The following TTC23L variants were observed in gnomAD, a reference collection of about 807,000 sequenced individuals.
TTC23L encodes tetratricopeptide repeat protein 23-like.
A neutral mutation model predicts 48.1 loss-of-function variants in TTC23L; 42 were observed. The ratio of observed to expected loss-of-function variants is 0.87; its 90% CI spans 0.68 to 1.13. TTC23L has a LOEUF of 1.13. Ranked by LOEUF, TTC23L falls within the 50% of genes most tolerant of loss-of-function variation. The probability of loss-of-function intolerance (pLI) is 0.00; values close to 1 mark genes in which losing one functional copy is unlikely to be tolerated. For synonymous variants in TTC23L, 159 were observed against 157.2 expected (o/e 1.01, Z -0.09); for missense variants, 391 against 421.0 (o/e 0.93, Z 0.62).
rs1181146229 is a variant in TTC23L at position 34,847,486 on chromosome 5, T to G, written c.255+1813T>G. Among the ~76,000 whole-genome samples the G allele has an allele frequency of 3.9e-5, 6 of 152,026 alleles. No homozygotes were observed. In the East Asian group the frequency reaches 9.6e-4, roughly 24 times the overall value. ...GTTATAGCTCAATAACGCTGTTTTTTTTTTTTTTTTTTAAATCAAACCCAA... is the reference window on the plus strand; with the variant it reads ...GTTATAGCTCAATAACGCTGTTTTTGTTTTTTTTTTTTAAATCAAACCCAA... On this transcript the variant is annotated intron_variant, in intron 3 of 10. Coordinates refer to ENST00000505624, the Ensembl canonical transcript of TTC23L.
At chr5:34,925,084 T>C in the TTC23L span, 5 of 1,476,124 alleles carry the variant, frequency 3.4e-6, no homozygotes, top group Admixed American at 7.3e-5. Context: ...ATTTGGTTTT[T>C]GCTGCATAGA....
intron 8 of TTC23L, among the ~76,000 whole-genome samples, chr5:34,871,854 CTT>C (rs551731070): frequency 6.6e-5 from 10 of 152,038 alleles, no homozygotes; most frequent in Non-Finnish European, 1.0e-4. Flanking sequence ...AAAGGATAGT[CTT>C]TAAAACAAAT....
chr5:34,854,632 A>G (rs1759973927), intron 4 of TTC23L, among the ~76,000 whole-genome samples: 1 of 152,164 alleles, frequency 6.6e-6, no homozygotes, highest in Admixed American at 6.5e-5. Flanking sequence ...GTGTGCGTTC[A>G]TGCCTCACTG....
At chr5:34,908,678 C>A in the TTC23L span, 1 of 1,224,374 alleles carries the variant, frequency 8.2e-7, no homozygotes, top group Admixed American at 2.4e-5. Context: ...ATAGAAAATC[C>A]AATATGAAAT....
chr5:34,922,260 C>T, the TTC23L span: 1 of 1,590,526 alleles, frequency 6.3e-7, no homozygotes, highest in South Asian at 1.1e-5. Flanking sequence ...TATTTTGAAG[C>T]TAAGAAAAAA....
intron 9 of TTC23L, chr5:34,880,788 G>A (rs978078273): frequency 4.0e-5 from 11 of 272,810 alleles, no homozygotes; most frequent in South Asian, 2.9e-4. Flanking sequence ...ACAGGCATGC[G>A]CCACCATGCC....
chr5:34,848,225 C>G (rs1759374256), intron 3 of TTC23L, among the ~76,000 whole-genome samples: 1 of 152,192 alleles, frequency 6.6e-6, no homozygotes, highest in Admixed American at 6.5e-5. Flanking sequence ...ACCCTATCGA[C>G]TCGTTCAGCC....
intron 4 of TTC23L, among the ~76,000 whole-genome samples, chr5:34,861,820 C>T (rs909352589): frequency 2.0e-5 from 3 of 152,070 alleles, no homozygotes; most frequent in South Asian, 2.1e-4. Context: ...GTTTACCAGC[C>T]CCTAGGTACC....
At position 34,892,238 on chromosome 5, in the gene TTC23L, T is replaced by A. The variant is rs576800915; in HGVS notation, c.1078-4532T>A. On this transcript the variant is annotated intron_variant, in intron 9 of 10. Coordinates refer to ENST00000505624, the Ensembl canonical transcript of TTC23L. ...TCACCTCTTCCGGAAACTCGTTGAC[T>A]ACACTCACTGGACTTTCATTGCTAG... Among the ~76,000 whole-genome samples, 6 of 152,352 alleles carry A rather than the reference T, an allele frequency of 3.9e-5. No individual in the cohort carries two copies. The East Asian group carries it at 9.6e-4, about 24-fold the overall frequency.
At chr5:34,855,166 C>T (rs1016321892) in intron 4 of TTC23L, among the ~76,000 whole-genome samples, 5 of 38,662 alleles carry the variant, frequency 1.3e-4, no homozygotes, top group South Asian at 6.8e-4. Flanking sequence ...GAGAAGGGTA[C>T]ATTGGGCAGG....
chr5:34,843,116 A>G (rs1758826646), intron 2 of TTC23L, among the ~76,000 whole-genome samples: 1 of 152,232 alleles, frequency 6.6e-6, no homozygotes, highest in Admixed American at 6.5e-5. Context: ...CCTGGATAGC[A>G]TAAGTTTAAA....
chr5:34,919,388 T>A, the TTC23L span, among the ~76,000 whole-genome samples: 1 of 152,006 alleles, frequency 6.6e-6, no homozygotes, highest in East Asian at 1.9e-4. Context: ...GTTTTTTGTT[T>A]TTTATTTTTA....
the TTC23L span, among the ~76,000 whole-genome samples, chr5:34,911,121 G>A: frequency 1.6e-4 from 24 of 152,134 alleles, no homozygotes; most frequent in Non-Finnish European, 2.9e-4. Flanking sequence ...ATAAGCACAC[G>A]GTAGGTGATC....
At chr5:34,880,547 G>A (rs1762158801) in intron 9 of TTC23L, 2 of 484,624 alleles carry the variant, frequency 4.1e-6, no homozygotes, top group Non-Finnish European at 7.4e-6. Flanking sequence ...CTTGGAAACT[G>A]CAGAGTAGGC....
intron 3 of TTC23L, 177 bp downstream of exon 3, chr5:34,845,850 C>T: frequency 1.6e-6 from 1 of 635,342 alleles, no homozygotes; most frequent in Non-Finnish European, 2.6e-6. Flanking sequence ...CTTCTGGTTC[C>T]ATGCATGGTT....
At chr5:34,900,454 TTG>T (rs1763478058), downstream of TTC23L, among the ~76,000 whole-genome samples, 1 of 151,886 alleles carries the variant, frequency 6.6e-6, no homozygotes, top group Non-Finnish European at 1.5e-5. Flanking sequence ...TGAGCTGAGA[TTG>T]TGCCACTGCA....
chr5:34,903,719 C>A (rs539243698), downstream of TTC23L, among the ~76,000 whole-genome samples: 1 of 152,294 alleles, frequency 6.6e-6, no homozygotes, highest in African/African-American at 2.4e-5. Flanking sequence ...TGCAAAACCA[C>A]AGAAGCTACT....
chr5:34,861,787 G>A (rs1435297870), intron 4 of TTC23L, among the ~76,000 whole-genome samples: 2 of 152,192 alleles, frequency 1.3e-5, no homozygotes, highest in Admixed American at 1.3e-4. Context: ...GGGCACAGTG[G>A]CCTACTTGGC....
intron 8 of TTC23L, 110 bp from the exon 9 acceptor site, chr5:34,880,071 T>C: frequency 7.4e-7 from 1 of 1,353,210 alleles, no homozygotes; most frequent in Non-Finnish European, 1.0e-6. Flanking sequence ...AGACCTGGCT[T>C]GAGAACAAGC....
Sources: allele counts gnomAD v4.1 joint callset (sites outside exome capture counted in the v4.1 genomes callset), GRCh38; gene constraint gnomAD v4.1.1; transcripts MANE v1.5; gene names NCBI Gene and HGNC (gene_info 2026-07-23, HGNC 2026-07-21).